Variants in PPP3CC observed in about 807,000 individuals in gnomAD.
The protein encoded by PPP3CC is serine/threonine-protein phosphatase 2B catalytic subunit gamma isoform.
Under a neutral mutation model 60.3 loss-of-function variants are expected in PPP3CC, and 35 were observed. That is an observed-to-expected ratio of 0.58 (90% CI 0.44 to 0.77). PPP3CC has a LOEUF of 0.77. Ranked by LOEUF, PPP3CC falls within the 30% of genes least tolerant of loss-of-function variation. The pLI, the probability that PPP3CC is intolerant of heterozygous loss-of-function variation, is 0.00. For missense variants in PPP3CC, 570 were observed against 628.9 expected, an observed-to-expected ratio of 0.91 and a Z score of 1.00; for synonymous variants, 206 against 224.3, an observed-to-expected ratio of 0.92 and a Z score of 0.73.
intron 4 of PPP3CC, among the ~76,000 whole-genome samples, chr8:22,501,392 T>C (rs1838757318): frequency 1.3e-5 from 2 of 152,344 alleles, no homozygotes; most frequent in South Asian, 2.1e-4. Flanking sequence ...CAGGCCACAG[T>C]GTGGCTAGAT....
At chr8:22,519,291 T>C (rs2117111708) in intron 6 of PPP3CC, among the ~76,000 whole-genome samples, 1 of 152,336 alleles carries the variant, frequency 6.6e-6, no homozygotes, top group South Asian at 2.1e-4. Context: ...AGTGAGTCTT[T>C]TGTAGACAGC....
At chr8:22,476,808 T>C (rs922323836) in intron 3 of PPP3CC, among the ~76,000 whole-genome samples, 1 of 152,078 alleles carries the variant, frequency 6.6e-6, no homozygotes, top group Middle Eastern at 3.4e-3. Context: ...GGCAGGCACC[T>C]GTAGTCCCAG....
intron 1 of PPP3CC, among the ~76,000 whole-genome samples, chr8:22,465,133 G>A (rs1207182444): frequency 6.6e-6 from 1 of 151,994 alleles, no homozygotes. Flanking sequence ...AATTTTTGTT[G>A]TGTTTTTAGT....
chr8:22,529,734 C>G (rs558114740), intron 10 of PPP3CC, among the ~76,000 whole-genome samples: 1 of 152,178 alleles, frequency 6.6e-6, no homozygotes, highest in Non-Finnish European at 1.5e-5. Context: ...GTCTGCCTGC[C>G]TCGGTCTCCC....
chr8:22,536,629 G>A (rs1004843002), intron 12 of PPP3CC, among the ~76,000 whole-genome samples: 1 of 152,206 alleles, frequency 6.6e-6, no homozygotes. Context: ...TCAGTAATGT[G>A]TGAGAACAAA....
In PPP3CC at chr8:22,451,261, G is replaced by A. The variant is rs182921573; in HGVS notation, c.49+9803G>A. ...AGTGATTCTCCTGCCCCAGCCTCCC[G>A]AGTAGCTGGGATTACAGGTGCATGC... On this transcript the variant is annotated intron_variant, in intron 1 of 13. Coordinates refer to ENST00000240139, the MANE Select transcript of PPP3CC (RefSeq NM_005605.5). Among the ~76,000 whole-genome samples the A allele has an allele frequency of 1.3e-4, 19 of 151,954 alleles. No individual in the cohort carries two copies. In the East Asian group the frequency reaches 3.3e-3, roughly 26 times the overall value.
intron 5 of PPP3CC, among the ~76,000 whole-genome samples, chr8:22,511,787 CTT>C (rs1839095382): frequency 6.6e-6 from 1 of 152,098 alleles, no homozygotes. Context: ...AGTCCTGAAA[CTT>C]TGAATTATAT....
intron 6 of PPP3CC, among the ~76,000 whole-genome samples, chr8:22,517,641 T>C (rs958188234): frequency 5.3e-5 from 8 of 152,200 alleles, no homozygotes; most frequent in Admixed American, 5.2e-4. Flanking sequence ...TCCAGTGTTT[T>C]GGTGTGTGAT....
chr8:22,483,797 T>A (rs1586820523), intron 3 of PPP3CC, among the ~76,000 whole-genome samples: 1 of 152,122 alleles, frequency 6.6e-6, no homozygotes, highest in East Asian at 1.9e-4. Context: ...ACAAAATTAT[T>A]CTATTTCTCA....
intron 3 of PPP3CC, among the ~76,000 whole-genome samples, chr8:22,497,331 A>G (rs1485915897): frequency 7.3e-6 from 1 of 137,158 alleles, no homozygotes; most frequent in Admixed American, 7.3e-5. Flanking sequence ...ACCTGGCCCT[A>G]TTTTTTTTTT....
intron 3 of PPP3CC, among the ~76,000 whole-genome samples, chr8:22,487,022 G>C (rs534511313): frequency 3.8e-4 from 58 of 152,150 alleles, no homozygotes; most frequent in African/African-American, 1.3e-3. Context: ...GAGCCACCGC[G>C]CCCAGCCCAG....
intron 4 of PPP3CC, among the ~76,000 whole-genome samples, chr8:22,501,801 C>A (rs955747719): frequency 6.6e-6 from 1 of 152,050 alleles, no homozygotes; most frequent in Non-Finnish European, 1.5e-5. Flanking sequence ...CACTTGAGGC[C>A]AGGAGTTCAA....
chr8:22,460,946 A>G (rs1406616356), intron 1 of PPP3CC, among the ~76,000 whole-genome samples: 1 of 152,066 alleles, frequency 6.6e-6, no homozygotes, highest in African/African-American at 2.4e-5. Flanking sequence ...CCCAGGTTCA[A>G]GTGATTCTCC....
At chr8:22,507,309 C>T (rs997551898) in intron 4 of PPP3CC, among the ~76,000 whole-genome samples, 3 of 152,124 alleles carry the variant, frequency 2.0e-5, no homozygotes, top group African/African-American at 7.2e-5. Flanking sequence ...CAGTGTCATC[C>T]TGTGGCTGTA....
At chr8:22,523,574 C>A in intron 8 of PPP3CC, 1 of 421,548 alleles carries the variant, frequency 2.4e-6, no homozygotes, top group Non-Finnish European at 4.8e-6. Flanking sequence ...GGAGGCTACA[C>A]ACCTATTCCA....
intron 9 of PPP3CC, among the ~76,000 whole-genome samples, chr8:22,527,966 G>A (rs1467420478): frequency 6.6e-6 from 1 of 152,098 alleles, no homozygotes. Flanking sequence ...CATGTAATTG[G>A]TTCTTAAATT....
Position 22,532,984 on chromosome 8 carries a change from C to T in PPP3CC, c.1287C>T (p.Gly429=), listed in dbSNP as rs755886170. Residue 429 remains glycine (G), a synonymous_variant, in exon 12 of 14, where the codon GGC becomes GGT. Coordinates refer to ENST00000240139, the MANE Select transcript of PPP3CC (RefSeq NM_005605.5). Reference sequence around the variant, plus strand: ...CTCCCACAGGCACACTCCCTCTGGGCGTCCTCTCAGGAGGCAAGCAGACTA... The same window carrying T: ...CTCCCACAGGCACACTCCCTCTGGGTGTCCTCTCAGGAGGCAAGCAGACTA... ...GLTPTGTLPL[G]VLSGGKQTIE... is the part of the protein sequence containing the mutation. The T allele has an allele frequency of 4.4e-6, 7 of 1,605,842 alleles. No homozygotes were observed. The highest frequency in any genetic ancestry group is 2.7e-5 in the African/African-American group (2 of 74,382).
chr8:22,502,655 C>G (rs1563749649), intron 4 of PPP3CC, among the ~76,000 whole-genome samples: 1 of 152,114 alleles, frequency 6.6e-6, no homozygotes, highest in African/African-American at 2.4e-5. Context: ...CACACTCCAG[C>G]CTGGGTGACA....
At chr8:22,540,223 C>T (rs1191741674) in intron 13 of PPP3CC, among the ~76,000 whole-genome samples, 7 of 152,084 alleles carry the variant, frequency 4.6e-5, no homozygotes, top group African/African-American at 4.8e-5. Flanking sequence ...AGCAACTACC[C>T]TGGGTTTAAC....
Sources: gnomAD v4.1 joint callset for allele counts (sites outside exome capture counted in the v4.1 genomes callset) on GRCh38, gnomAD v4.1.1 for gene constraint, MANE v1.5 for transcripts, NCBI Gene and HGNC (gene_info 2026-07-23, HGNC 2026-07-21) for gene names.